The following FLG2 variants were observed in gnomAD, a reference collection of about 807,000 sequenced individuals.
The protein encoded by FLG2 is filaggrin-2.
A neutral mutation model predicts 3.9 loss-of-function variants in FLG2; 7 were observed. The observed-to-expected ratio is 1.79, with a 90% CI of 1.02 to 3.36. FLG2 has a LOEUF of 3.36. Among genes scored for constraint, FLG2 ranks in the 30% most tolerant of loss-of-function variants. The pLI is 0.00. For missense variants in FLG2, 2,700 were observed against 2,809.4 expected (o/e 0.96, Z 0.88); for synonymous variants, 1,031 against 1,056.1 (o/e 0.98, Z 0.46).
In FLG2 at chr1:152,350,062, T is replaced by C. The variant is rs1332637440; in HGVS notation, c.*548A>G. The C allele has an allele frequency of 6.3e-6, 1 of 159,240 alleles. No individual in the cohort carries two copies. Among genetic ancestry groups the C allele is most frequent in the East Asian group, 1.9e-4 (1 of 5,392 alleles). The allele number at this position is 159,240 out of a possible 1,614,324, so 9.9% of individuals were successfully genotyped here. On this transcript the variant is annotated 3_prime_UTR_variant, in exon 3 of 3. Transcript: ENST00000388718. ...ATTGGTACTGAATCCAGACTGACCC[T>C]AGGCATCTCTTGATGGCCCATGACT... is the stretch of plus-strand genomic sequence containing the variant.
rs140553142 is a variant in FLG2 at position 152,352,906 on chromosome 1, G to C, written c.4880C>G (p.Thr1627Ser). 2,696 of 1,613,744 alleles carry C rather than the reference G, an allele frequency of 1.7e-3. 3 individuals carry two copies. Among genetic ancestry groups the C allele is most frequent in the Non-Finnish European group, 2.0e-3 (2,312 of 1,179,960 alleles). The part of the protein sequence containing the change: ...HGTTHGQIGD[T>S]TGHSHSGHGQ... ...ATGACCAGAGTGGGAATGTCCAGTG[G>C]TATCTCCTATCTGTCCATGAGTAGT... Residue 1627 changes from threonine to serine, a missense_variant, in exon 3 of 3, where the codon ACC (threonine) becomes AGC (serine). Thr to Ser is a moderately conservative substitution (Grantham distance 58). Coordinates refer to ENST00000388718, the MANE Select transcript of FLG2 (RefSeq NM_001014342.3).
In FLG2 at chr1:152,354,663, A is replaced by T; in HGVS notation, c.3123T>A (p.His1041Gln). 1.2e-6 allele frequency: 2 copies of T among 1,614,088 alleles called. No individual in the cohort carries two copies. Among genetic ancestry groups the T allele is most frequent in the Non-Finnish European group, 1.7e-6 (2 of 1,180,018 alleles). The change falls in exon 3 of 3, where the codon CAT becomes CAA. Residue 1041 changes from histidine (H) to glutamine (Q), a missense_variant. His to Gln is a conservative substitution (Grantham distance 24, BLOSUM62 0). Transcript: ENST00000388718. Reference protein sequence around the residue: ...SSGQYSGFGQHGSGSDQSSGF... With the variant: ...SSGQYSGFGQQGSGSDQSSGF... Reference sequence around the variant, plus strand: ...CAGAGGACTGATCTGAGCCTGATCCATGTTGTCCAAAGCCTGAGTATTGGC... The same window carrying T: ...CAGAGGACTGATCTGAGCCTGATCCTTGTTGTCCAAAGCCTGAGTATTGGC...
At position 152,355,407 on chromosome 1, in the gene FLG2, G is replaced by A. The variant is rs763547258; in HGVS notation, c.2379C>T (p.Gly793=). The change falls in exon 3 of 3, where the codon GGC becomes GGT. Residue 793 remains glycine (G), a synonymous_variant. Transcript: ENST00000388718. Reference sequence around the variant, plus strand: ...TTGAGCCTGACCCATGTTGTCCAAAGCCAGATGTCTGTCTAGACCCATGTT... The same window carrying A: ...TTGAGCCTGACCCATGTTGTCCAAAACCAGATGTCTGTCTAGACCCATGTT... ...YGQHGSRQTS[G]FGQHGSGSSQ... 1.9e-6 allele frequency: 3 copies of A among 1,610,388 alleles called. No homozygotes were observed. The highest frequency in any genetic ancestry group is 1.7e-5 in the Admixed American group (1 of 59,508).
chr1:152,351,271 G>T lies in FLG2; in HGVS notation c.6515C>A (p.Thr2172Lys), dbSNP rs1653906379. The change falls in exon 3 of 3, where the codon ACA becomes AAA. Residue 2172 changes from threonine to lysine, a missense_variant. Transcript: ENST00000388718. The stretch of plus-strand genomic sequence containing the variant: ...GTGACTAGATCTTTGTCTTCCAGTT[G>T]TCCTGGAACCTGTCTGTGTGGACTG... ...HGQSTQTGSR[T>K]TGRQRSSHSE... 9 of 1,613,580 alleles carry T rather than the reference G, an allele frequency of 5.6e-6. No individual in the cohort carries two copies. The highest frequency in any genetic ancestry group is 6.8e-6 in the Non-Finnish European group (8 of 1,179,914).
chr1:152,351,474 G>T lies in FLG2; in HGVS notation c.6312C>A (p.Gly2104=), dbSNP rs879057483. 1.9e-6 allele frequency: 3 copies of T among 1,612,154 alleles called. No homozygotes were observed. In the South Asian group the frequency reaches 3.3e-5, roughly 18 times the overall value. Residue 2104 remains glycine, a synonymous_variant, in exon 3 of 3, where the codon GGC becomes GGA. Transcript: ENST00000388718. ...GSRTAGRRGS[G]HSESSDSEVH... ...CTTCACTGTCACTGGACTCACTGTG[G>T]CCAGATCCCCTTCTTCCAGCTGTCC...
At position 152,357,063 on chromosome 1, in the gene FLG2, T is replaced by C. The variant is rs371960195; in HGVS notation, c.723A>G (p.Ser241=). The change falls in exon 3 of 3, where the codon TCA becomes TCG. Residue 241 remains serine, a synonymous_variant. Coordinates refer to ENST00000388718, the MANE Select transcript of FLG2 (RefSeq NM_001014342.3). The part of the protein sequence containing the change: ...SWERKGHGGL[S]CGLETSGHES... Reference sequence around the variant, plus strand: ...CATGCCCACTAGTCTCCAATCCACATGACAGACCACCATGACCTTTCCTTT... The same window carrying C: ...CATGCCCACTAGTCTCCAATCCACACGACAGACCACCATGACCTTTCCTTT... 43 of 1,614,120 alleles carry C rather than the reference T, an allele frequency of 2.7e-5. No homozygotes were observed. The highest frequency in any genetic ancestry group is 3.6e-5 in the Non-Finnish European group (42 of 1,180,046).
chr1:152,352,017 ATGAGTAGTT>A lies in FLG2; in HGVS notation c.5760_5768del (p.Gln1920_Thr1922del). The A allele has an allele frequency of 6.2e-7, 1 of 1,613,586 alleles. No homozygotes were observed. The highest frequency in any genetic ancestry group is 8.5e-7 in the Non-Finnish European group (1 of 1,179,884). ...GTTCAGTGGTATCTCCTGTCTGTCCATGAGTAGTTTGGTGTCTCTTGTGAACTGTGGATT... is the reference window on the plus strand; with the variant it reads ...GTTCAGTGGTATCTCCTGTCTGTCCATGGTGTCTCTTGTGAACTGTGGATT... On this transcript the variant is annotated inframe_deletion, in exon 3 of 3. Transcript: ENST00000388718.
Position 152,350,652 on chromosome 1 carries a change from C to G in FLG2, c.7134G>C (p.Trp2378Cys). The G allele has an allele frequency of 6.2e-7, 1 of 1,614,086 alleles. No individual in the cohort carries two copies. Among genetic ancestry groups the G allele is most frequent in the South Asian group, 1.1e-5 (1 of 91,068 alleles). Residue 2378 changes from tryptophan (W) to cysteine (C), a missense_variant, in exon 3 of 3, where the codon TGG (tryptophan) becomes TGC (cysteine). Coordinates refer to ENST00000388718, the MANE Select transcript of FLG2 (RefSeq NM_001014342.3). ...GCTTGTTTGCAGTGCTGTCTGTTGA[C>G]CATGAAAGGTGAGAATTACTGATGC... Reference protein sequence around the residue: ...RKSISNSHLSWSTDSTANKQL... With the variant: ...RKSISNSHLSCSTDSTANKQL...
rs1485668764 is a variant in FLG2, at chr1:152,354,102, T to A, written c.3684A>T (p.Ser1228=). ...LGQGESQQVE[S]GSTVHGRQET... is the part of the protein sequence containing the mutation. ...CCTGTCTCCCATGAACTGTGGATCC[T>A]GACTCTACTTGTTGAGATTCACCCT... Residue 1228 remains serine, a synonymous_variant, in exon 3 of 3, where the codon TCA becomes TCT. Transcript: ENST00000388718. 6.2e-7 allele frequency: 1 copy of A among 1,614,268 alleles called. No homozygotes were observed. The highest frequency in any genetic ancestry group is 8.5e-7 in the Non-Finnish European group (1 of 1,180,032).
rs761581053 is a variant in FLG2 at position 152,354,676 on chromosome 1, C to A, written c.3110G>T (p.Gly1037Val). The A allele has an allele frequency of 9.9e-6, 16 of 1,613,836 alleles. No homozygotes were observed. The East Asian group carries it at 3.6e-4, about 36-fold the overall frequency. Residue 1037 changes from glycine (G) to valine (V), a missense_variant, in exon 3 of 3, where the codon GGC becomes GTC. Gly to Val is a moderately radical substitution (Grantham distance 109, BLOSUM62 -3). Transcript: ENST00000388718. ...QHRSSSGQYS[G>V]FGQHGSGSDQ... ...TGAGCCTGATCCATGTTGTCCAAAGCCTGAGTATTGGCCTGAGCTTGACCT... is the reference window on the plus strand; with the variant it reads ...TGAGCCTGATCCATGTTGTCCAAAGACTGAGTATTGGCCTGAGCTTGACCT...
chr1:152,354,008 T>A lies in FLG2; in HGVS notation c.3778A>T (p.Thr1260Ser), dbSNP rs771799373. 5.6e-6 allele frequency: 9 copies of A among 1,614,114 alleles called. 1 individual carries two copies. Among genetic ancestry groups the A allele is most frequent in the Admixed American group, 1.7e-5 (1 of 60,010 alleles). ...SQSGQGQSTQ[T>S]GSRVTRRRRS... ...CGTCTTCTAGTTACCCTGGACCCTG[T>A]CTGTGTGGATTGTCCTTGACCAGAC... is the stretch of plus-strand genomic sequence containing the variant. The change falls in exon 3 of 3, where the codon ACA becomes TCA. Residue 1260 changes from threonine (T) to serine (S), a missense_variant. Thr to Ser is a moderately conservative substitution (Grantham distance 58, BLOSUM62 1). Transcript: ENST00000388718.
rs747430089 is a variant in FLG2 at position 152,355,051 on chromosome 1, T to C, written c.2735A>G (p.Gln912Arg). ...TGSGQYSGFG[Q>R]HESRSHQSSY... is the part of the protein sequence containing the mutation. Reference sequence around the variant, plus strand: ...AGACTGATGTGATCTAGACTCATGTTGTCCAAAACCAGAGTATTGTCCTGA... The same window carrying C: ...AGACTGATGTGATCTAGACTCATGTCGTCCAAAACCAGAGTATTGTCCTGA... Residue 912 changes from glutamine to arginine, a missense_variant, in exon 3 of 3, where the codon CAA becomes CGA. Transcript: ENST00000388718. The C allele has an allele frequency of 4.1e-5, 64 of 1,550,846 alleles. 7 individuals are homozygous for C. The highest frequency in any genetic ancestry group is 5.1e-5 in the Non-Finnish European group (59 of 1,149,866).
chr1:152,358,394 C>A (rs1278523447), intron 2 of FLG2, among the ~76,000 whole-genome samples: 1 of 152,122 alleles, frequency 6.6e-6, no homozygotes, highest in Non-Finnish European at 1.5e-5. Flanking sequence ...ATTTTGTCAA[C>A]TCCCTATGTA....
In FLG2 at chr1:152,348,851, A is replaced by G. The variant is rs1653800370; in HGVS notation, c.*1759T>C. 1 of 152,242 alleles carries G rather than the reference A, an allele frequency of 6.6e-6. No individual in the cohort carries two copies. 9.4% of individuals were successfully genotyped at this position (152,242 alleles called of 1,614,324 possible). On this transcript the variant is annotated 3_prime_UTR_variant, in exon 3 of 3. Transcript: ENST00000388718. Reference sequence around the variant, plus strand: ...AATTGTACAGAATTCCAGTAGTGACACAAAAAGATGCAAATATTCTGAATA... The same window carrying G: ...AATTGTACAGAATTCCAGTAGTGACGCAAAAAGATGCAAATATTCTGAATA...
Position 152,351,256 on chromosome 1 carries a change from CT to C in FLG2, c.6529del (p.Arg2177AspfsTer225), listed in dbSNP as rs1335538983. ...QTGSRTTGRQ[R>X]SSHSESSDSE... is the part of the protein sequence containing the mutation. ...ATCACTGGACTCACTGTGACTAGAT[CT>C]TTGTCTTCCAGTTGTCCTGGAACCT... On this transcript the variant is annotated frameshift_variant, in exon 3 of 3. Transcript: ENST00000388718. LOFTEE classifies it low-confidence loss of function (END_TRUNC). The C allele has an allele frequency of 1.2e-6, 2 of 1,612,734 alleles. No individual in the cohort carries two copies. The highest frequency in any genetic ancestry group is 4.5e-5 in the East Asian group (2 of 44,684).
In FLG2 at chr1:152,353,472, G is replaced by C. The variant is rs1486318532; in HGVS notation, c.4314C>G (p.His1438Gln). 6.2e-7 allele frequency: 1 copy of C among 1,611,450 alleles called. No individual in the cohort carries two copies. The highest frequency in any genetic ancestry group is 8.5e-7 in the Non-Finnish European group (1 of 1,179,342). Residue 1438 changes from histidine (H) to glutamine (Q), a missense_variant, in exon 3 of 3, where the codon CAC becomes CAG. His to Gln is a conservative substitution (Grantham distance 24). Coordinates refer to ENST00000388718, the MANE Select transcript of FLG2 (RefSeq NM_001014342.3). ...GAGTTTGTTCTTGTGATTGTGGTCT[G>C]TGTGAGCCCCCTGAGTGCACTTCAC... ...SDSEVHSGGS[H>Q]RPQSQEQTHG...
Position 152,357,113 on chromosome 1 carries a change from A to T in FLG2, c.673T>A (p.Ser225Thr). 6.2e-7 allele frequency: 1 copy of T among 1,614,108 alleles called. No individual in the cohort carries two copies. The highest frequency in any genetic ancestry group is 1.1e-5 in the South Asian group (1 of 91,070). The change falls in exon 3 of 3, where the codon TCT becomes ACT. Residue 225 changes from serine to threonine, a missense_variant. Physicochemically the swap from Ser to Thr is moderately conservative, Grantham distance 58. Transcript: ENST00000388718. Reference sequence around the variant, plus strand: ...TCCCAACTGTTTGATCCAGATCCAGATTCATACTCCTCCCCAGATTCCCTA... The same window carrying T: ...TCCCAACTGTTTGATCCAGATCCAGTTTCATACTCCTCCCCAGATTCCCTA... ...PSRESGEEYESGSGSNSWERK... is the reference protein window; with the variant it reads ...PSRESGEEYETGSGSNSWERK...
chr1:152,352,870 G>A lies in FLG2; in HGVS notation c.4916C>T (p.Thr1639Ile), dbSNP rs753022760. Residue 1639 changes from threonine to isoleucine, a missense_variant, in exon 3 of 3, where the codon ACA (threonine) becomes ATA (isoleucine). Physicochemically the swap from Thr to Ile is moderately conservative, Grantham distance 89. Coordinates refer to ENST00000388718, the MANE Select transcript of FLG2 (RefSeq NM_001014342.3). ...GHSHSGHGQS[T>I]QRGSRTTGRQ... ...TCCAGTTGTCCTGGACCCTCTCTGTGTGGACTGTCCATGACCAGAGTGGGA... is the reference window on the plus strand; with the variant it reads ...TCCAGTTGTCCTGGACCCTCTCTGTATGGACTGTCCATGACCAGAGTGGGA... 2.5e-6 allele frequency: 4 copies of A among 1,613,716 alleles called. No individual in the cohort carries two copies. The highest frequency in any genetic ancestry group is 2.2e-5 in the South Asian group (2 of 91,058).
At position 152,356,758 on chromosome 1, in the gene FLG2, G is replaced by A. The variant is rs1372305202; in HGVS notation, c.1028C>T (p.Ser343Phe). The change falls in exon 3 of 3, where the codon TCT becomes TTT. Residue 343 changes from serine to phenylalanine, a missense_variant. Coordinates refer to ENST00000388718, the MANE Select transcript of FLG2 (RefSeq NM_001014342.3). ...GQPSGCGQPESNPCSQSYSQR... is the reference protein window; with the variant it reads ...GQPSGCGQPEFNPCSQSYSQR... ...ACTATAGGACTGACTACAGGGGTTAGACTCAGGTTGACCACATCCAGAGGG... is the reference window on the plus strand; with the variant it reads ...ACTATAGGACTGACTACAGGGGTTAAACTCAGGTTGACCACATCCAGAGGG... The A allele has an allele frequency of 6.2e-7, 1 of 1,614,176 alleles. No homozygotes were observed. Among genetic ancestry groups the A allele is most frequent in the South Asian group, 1.1e-5 (1 of 91,072 alleles).
Sources: gnomAD v4.1 joint callset for allele counts (sites outside exome capture counted in the v4.1 genomes callset) on GRCh38, gnomAD v4.1.1 for gene constraint, MANE v1.5 for transcripts, NCBI Gene and HGNC (gene_info 2026-07-23, HGNC 2026-07-21) for gene names.